The following SGCE variants were observed in gnomAD, a reference collection of about 807,000 sequenced individuals.
SGCE encodes the protein sarcoglycan epsilon, also known as epsilon-sarcoglycan.
SGCE carries 26 observed loss-of-function variants against 57.8 expected under a neutral mutation model. That is an observed-to-expected ratio of 0.45 (90% confidence interval 0.33 to 0.62). The LOEUF (loss-of-function observed/expected upper bound fraction) is 0.62. Among genes scored for constraint, SGCE ranks in the 20% least tolerant of loss-of-function variants. The pLI, the probability that SGCE is intolerant of heterozygous loss-of-function variation, is 0.02. For synonymous variants in SGCE, 183 were observed against 189.5 expected (o/e 0.97, Z 0.28); for missense variants, 468 against 548.6 (o/e 0.85, Z 1.47).
chr7:94,592,384 G>A (rs1458792776), intron 9 of SGCE, among the ~76,000 whole-genome samples: 1 of 152,044 alleles, frequency 6.6e-6, no homozygotes, highest in Non-Finnish European at 1.5e-5. Flanking sequence ...AGGAGCGGGG[G>A]GTCGACTTCA....
rs547431388 is a variant in SGCE, at chr7:94,625,355, ACTTT to A, written c.391-1962_391-1959del. ...CTATATTATATGAAAGATATGGTAA[ACTTT>A]CTTTTTTTTATCTTTTTACTATATT... is the stretch of plus-strand genomic sequence containing the variant. On this transcript the variant is annotated intron_variant, in intron 3 of 10. Coordinates refer to ENST00000648936, the MANE Select transcript of SGCE (RefSeq NM_003919.3). 2.4e-4 allele frequency: 36 copies of A among 152,044 alleles called. No homozygotes were observed. In the East Asian group the frequency reaches 2.9e-3, roughly 12 times the overall value. 9.4% of individuals were successfully genotyped at this position (152,044 alleles called of 1,614,324 possible).
At chr7:94,644,600 A>G (rs1363471375) in intron 1 of SGCE, 1 of 1,254,050 alleles carries the variant, frequency 8.0e-7, no homozygotes. Flanking sequence ...TGATTATCAT[A>G]CTCACCTTAA....
At position 94,600,667 on chromosome 7, in the gene SGCE, A is replaced by G. The variant is rs1468730105; in HGVS notation, c.1016T>C (p.Met339Thr). 1 of 1,613,618 alleles carries G rather than the reference A, an allele frequency of 6.2e-7. No individual in the cohort carries two copies. The highest frequency in any genetic ancestry group is 8.5e-7 in the Non-Finnish European group (1 of 1,179,660). Residue 339 changes from methionine (M) to threonine (T), a missense_variant, in exon 7 of 11, where the codon ATG becomes ACG. Coordinates refer to ENST00000648936, the MANE Select transcript of SGCE (RefSeq NM_003919.3). ...TCACACGCCTTCCCGTCGGCAGCACATGATATAAGCAAGTATTAGAAAAAG... is the reference window on the plus strand; with the variant it reads ...TCACACGCCTTCCCGTCGGCAGCACGTGATATAAGCAAGTATTAGAAAAAG... ...LVLFLILAYI[M>T]CCRREGVEKR...
At position 94,656,095 on chromosome 7, in the gene SGCE, G is replaced by T. The variant is rs781322593; in HGVS notation, c.4C>A (p.Gln2Lys). 6.3e-7 allele frequency: 1 copy of T among 1,597,242 alleles called. No homozygotes were observed. Among genetic ancestry groups the T allele is most frequent in the Non-Finnish European group, 8.6e-7 (1 of 1,164,768 alleles). Residue 2 changes from glutamine to lysine, a missense_variant, in exon 1 of 11, where the codon CAA (glutamine) becomes AAA (lysine). Coordinates refer to ENST00000648936, the MANE Select transcript of SGCE (RefSeq NM_003919.3). ...CCCAGCTCCCACCACCGGGGCAATT[G>T]CATTCTTGGCCTGGCTAGGCCGTCC... Reference protein sequence around the residue: MQLPRWWELGDP... With the variant: MKLPRWWELGDP...
At chr7:94,642,378 C>A (rs1806513010) in intron 1 of SGCE, among the ~76,000 whole-genome samples, 1 of 152,154 alleles carries the variant, frequency 6.6e-6, no homozygotes, top group South Asian at 2.1e-4. Flanking sequence ...GCAAAATACT[C>A]CACCCCCAGG....
At chr7:94,636,869 G>C (rs1402859866) in intron 1 of SGCE, among the ~76,000 whole-genome samples, 1 of 152,048 alleles carries the variant, frequency 6.6e-6, no homozygotes, top group African/African-American at 2.4e-5. Context: ...TTCAAGACCA[G>C]CCTGGCCAAC....
intron 5 of SGCE, among the ~76,000 whole-genome samples, chr7:94,615,809 T>A (rs1801842447): frequency 6.6e-6 from 1 of 152,176 alleles, no homozygotes. Flanking sequence ...TTGGCAGCCA[T>A]GACATGCCTG....
intron 1 of SGCE, among the ~76,000 whole-genome samples, chr7:94,631,119 A>G (rs534738546): frequency 6.6e-6 from 1 of 151,806 alleles, no homozygotes; most frequent in South Asian, 2.1e-4. Context: ...CTAGGTATGC[A>G]GAGAGATCTA....
At chr7:94,647,629 C>G (rs1335526583) in intron 1 of SGCE, among the ~76,000 whole-genome samples, 1 of 152,188 alleles carries the variant, frequency 6.6e-6, no homozygotes, top group Non-Finnish European at 1.5e-5. Flanking sequence ...AAAATTTGTT[C>G]CCTGACCTCC....
chr7:94,591,320 C>G (rs1431800843), intron 9 of SGCE, among the ~76,000 whole-genome samples: 1 of 152,144 alleles, frequency 6.6e-6, no homozygotes, highest in African/African-American at 2.4e-5. Flanking sequence ...TTTACCTACT[C>G]AGGTATAACT....
intron 1 of SGCE, among the ~76,000 whole-genome samples, chr7:94,653,371 C>A (rs1053223245): frequency 2.0e-5 from 3 of 151,928 alleles, no homozygotes; most frequent in African/African-American, 7.3e-5. Context: ...AATACGAAGC[C>A]CAGTTATTAT....
chr7:94,639,092 T>G (rs1171239221), intron 1 of SGCE, among the ~76,000 whole-genome samples: 1 of 152,200 alleles, frequency 6.6e-6, no homozygotes, highest in Non-Finnish European at 1.5e-5. Flanking sequence ...AACATAGGAA[T>G]GGTTTTTAGT....
At chr7:94,592,032 G>A (rs543445174) in intron 9 of SGCE, among the ~76,000 whole-genome samples, 104 of 152,256 alleles carry the variant, frequency 6.8e-4, no homozygotes, top group African/African-American at 2.4e-3. Context: ...AAAAAATACT[G>A]AGATTCAACA....
Position 94,600,771 on chromosome 7 carries a change from A to G in SGCE, c.912T>C (p.Pro304=). 7 of 1,613,688 alleles carry G rather than the reference A, an allele frequency of 4.3e-6. No individual in the cohort carries two copies. The highest frequency in any genetic ancestry group is 5.9e-6 in the Non-Finnish European group (7 of 1,179,806). Residue 304 remains proline, a synonymous_variant, in exon 7 of 11, where the codon CCT becomes CCC. Coordinates refer to ENST00000648936, the MANE Select transcript of SGCE (RefSeq NM_003919.3). The stretch of plus-strand genomic sequence containing the variant: ...AGTCTCTGCTTTTCAAAGAATCAGA[A>G]GGGGGTTTGTATTCTCCACCATCAG... ...ILPDGGEYKP[P]SDSLKSRDYY... is the part of the protein sequence containing the mutation.
rs191833730 is a variant in SGCE at position 94,643,864 on chromosome 7, T to C, written c.109+12126A>G. ...TTTTTTATGTGAGAATGGATTTCTC[T>C]AGGACGGAAAAATATGACTCAATAT... On this transcript the variant is annotated intron_variant, in intron 1 of 10. Transcript: ENST00000648936. Among the ~76,000 whole-genome samples, 224 of 152,324 alleles carry C rather than the reference T, an allele frequency of 1.5e-3. 1 individual carries two copies. Among genetic ancestry groups the C allele is most frequent in the Non-Finnish European group, 1.2e-3 (85 of 68,016 alleles).
At chr7:94,617,187 T>C (rs74455430) in intron 5 of SGCE, 1 of 152,374 alleles carries the variant, frequency 6.6e-6, no homozygotes, top group African/African-American at 2.4e-5. Context: ...TCTATATTTT[T>C]AGTAATGTTC....
At chr7:94,612,537 T>C (rs1234689523) in intron 5 of SGCE, among the ~76,000 whole-genome samples, 4 of 152,346 alleles carry the variant, frequency 2.6e-5, no homozygotes, top group Admixed American at 6.5e-5. Context: ...ACATGATTTA[T>C]TCCGCAATTA....
intron 1 of SGCE, chr7:94,640,900 G>A (rs1806294919): frequency 1.3e-5 from 2 of 152,292 alleles, no homozygotes; most frequent in East Asian, 1.9e-4. Flanking sequence ...CGCCTACCTC[G>A]GCCTGCCAAA....
chr7:94,628,108 A>T, intron 3 of SGCE, 94 bp downstream of exon 3: 1 of 945,842 alleles, frequency 1.1e-6, no homozygotes, highest in Non-Finnish European at 1.6e-6. Flanking sequence ...AGGTAACTTT[A>T]GTTTCAACAC....
Sources: gnomAD v4.1 joint callset for allele counts (sites outside exome capture counted in the v4.1 genomes callset) on GRCh38, gnomAD v4.1.1 for gene constraint, MANE v1.5 for transcripts, NCBI Gene and HGNC (gene_info 2026-07-23, HGNC 2026-07-21) for gene names.